FHIT: variants seen among roughly 807,000 people sequenced by gnomAD.
The protein encoded by FHIT is bis(5'-adenosyl)-triphosphatase.
In FHIT, 19 loss-of-function variants were observed where a neutral mutation model predicts 17.9. The ratio of observed to expected loss-of-function variants is 1.06; its 90% CI spans 0.74 to 1.56. FHIT has a LOEUF of 1.56. Among genes scored for constraint, FHIT ranks in the 40% most tolerant of loss-of-function variants. FHIT has a pLI of 0.00. For missense variants in FHIT, 248 were observed against 189.2 expected, an observed-to-expected ratio of 1.31 and a Z score of -1.82; for synonymous variants, 81 against 69.7, an observed-to-expected ratio of 1.16 and a Z score of -0.81.
chr3:60,094,361 C>T (rs1298981869), intron 5 of FHIT, among the ~76,000 whole-genome samples: 2 of 152,124 alleles, frequency 1.3e-5, no homozygotes, highest in Admixed American at 6.5e-5. Context: ...CTTCATCTGA[C>T]TCCTCAACAA....
chr3:60,009,226 T>C (rs528659976), intron 7 of FHIT, among the ~76,000 whole-genome samples: 2,489 of 136,960 alleles, frequency 0.018, 83 homozygotes, highest in African/African-American at 0.071. Flanking sequence ...TGTGTGTGTG[T>C]GTGTATGGTG....
At chr3:59,981,919 G>C (rs1708671524) in intron 7 of FHIT, among the ~76,000 whole-genome samples, 1 of 151,702 alleles carries the variant, frequency 6.6e-6, no homozygotes, top group African/African-American at 2.4e-5. Flanking sequence ...CAAGGTATCA[G>C]TTTACACTAC....
chr3:60,564,832 G>C (rs1170873604), intron 4 of FHIT, among the ~76,000 whole-genome samples: 2 of 152,170 alleles, frequency 1.3e-5, no homozygotes, highest in Admixed American at 1.3e-4. Flanking sequence ...CAAAGAATTT[G>C]GACCATTATA....
At chr3:60,539,895 C>G (rs1436742145) in intron 4 of FHIT, among the ~76,000 whole-genome samples, 1 of 151,504 alleles carries the variant, frequency 6.6e-6, no homozygotes, top group Non-Finnish European at 1.5e-5. Flanking sequence ...ACATATGTAA[C>G]AAACCTGCAT....
At chr3:60,600,096 G>T (rs2107711641) in intron 4 of FHIT, among the ~76,000 whole-genome samples, 1 of 152,180 alleles carries the variant, frequency 6.6e-6, no homozygotes, top group South Asian at 2.1e-4. Context: ...TACTGGTAGG[G>T]CTGCCATTCA....
chr3:60,946,378 C>G (rs1483362520), intron 3 of FHIT, among the ~76,000 whole-genome samples: 1 of 152,144 alleles, frequency 6.6e-6, no homozygotes, highest in Non-Finnish European at 1.5e-5. Context: ...TACTGAATGA[C>G]ATTTAGCATC....
At chr3:60,459,922 G>T (rs1208419500) in intron 5 of FHIT, among the ~76,000 whole-genome samples, 1 of 152,128 alleles carries the variant, frequency 6.6e-6, no homozygotes, top group Non-Finnish European at 1.5e-5. Context: ...AAACCCAAAA[G>T]CTTCTCTTAA....
At chr3:60,281,027 G>A (rs940326406) in intron 5 of FHIT, among the ~76,000 whole-genome samples, 4 of 152,086 alleles carry the variant, frequency 2.6e-5, no homozygotes, top group African/African-American at 7.2e-5. Flanking sequence ...GAAAAAAACA[G>A]GATAAAATAT....
At chr3:61,120,580 A>T (rs940458403) in intron 2 of FHIT, among the ~76,000 whole-genome samples, 7 of 152,156 alleles carry the variant, frequency 4.6e-5, no homozygotes, top group African/African-American at 1.7e-4. Context: ...CGTTTACAGA[A>T]ATGCCTTTAG....
At chr3:60,026,973 C>T (rs987251242) in intron 5 of FHIT, among the ~76,000 whole-genome samples, 10 of 151,992 alleles carry the variant, frequency 6.6e-5, no homozygotes, top group African/African-American at 2.4e-4. Flanking sequence ...GTGGCACACA[C>T]CTGTAATCCC....
At chr3:59,992,264 G>C (rs1024156977) in intron 7 of FHIT, among the ~76,000 whole-genome samples, 1 of 152,004 alleles carries the variant, frequency 6.6e-6, no homozygotes, top group African/African-American at 2.4e-5. Context: ...AGCTCCCGCA[G>C]GTTTAAGACA....
intron 4 of FHIT, among the ~76,000 whole-genome samples, chr3:60,772,964 A>G (rs13059280): frequency 0.39 from 59,063 of 151,950 alleles, 11,824 homozygotes; most frequent in Non-Finnish European, 0.42. Context: ...AGCCATCCCT[A>G]CGCCTTCGCC....
At chr3:59,933,190 G>T (rs1706060285) in intron 7 of FHIT, among the ~76,000 whole-genome samples, 1 of 152,180 alleles carries the variant, frequency 6.6e-6, no homozygotes, top group African/African-American at 2.4e-5. Flanking sequence ...AGAAATGTGG[G>T]TTCTTTCACG....
chr3:60,717,517 G>A (rs569487881), intron 4 of FHIT, among the ~76,000 whole-genome samples: 2 of 152,272 alleles, frequency 1.3e-5, no homozygotes, highest in South Asian at 2.1e-4. Flanking sequence ...CTCAAACAGA[G>A]TATCTGAGGA....
chr3:60,483,552 A>G (rs1198457733), intron 5 of FHIT, among the ~76,000 whole-genome samples: 1 of 152,228 alleles, frequency 6.6e-6, no homozygotes, highest in African/African-American at 2.4e-5. Context: ...GTAATCTATC[A>G]CATAAACAGA....
At chr3:59,808,033 C>T (rs772734401) in intron 8 of FHIT, among the ~76,000 whole-genome samples, 2 of 152,158 alleles carry the variant, frequency 1.3e-5, no homozygotes, top group African/African-American at 4.8e-5. Context: ...AGTTTCAGAA[C>T]ATTTTCATTA....
At chr3:60,617,750 A>G (rs1553676515) in intron 4 of FHIT, 1 of 154,038 alleles carries the variant, frequency 6.5e-6, no homozygotes, top group African/African-American at 2.4e-5. Flanking sequence ...GTGGGGAAAA[A>G]AAGTTATCCA....
intron 5 of FHIT, among the ~76,000 whole-genome samples, chr3:60,473,019 A>C (rs1559942988): frequency 6.6e-6 from 1 of 152,196 alleles, no homozygotes; most frequent in African/African-American, 2.4e-5. Context: ...GAACTTTTAA[A>C]ACCAATGAAA....
At chr3:60,179,025 C>T (rs1200160769) in intron 5 of FHIT, among the ~76,000 whole-genome samples, 20 of 152,036 alleles carry the variant, frequency 1.3e-4, no homozygotes, top group Non-Finnish European at 1.5e-5. Flanking sequence ...CACTATAAGA[C>T]TCTTAACATA....
Sources: allele counts gnomAD v4.1 joint callset (sites outside exome capture counted in the v4.1 genomes callset), GRCh38; gene constraint gnomAD v4.1.1; transcripts MANE v1.5; gene names NCBI Gene and HGNC (gene_info 2026-07-23, HGNC 2026-07-21).